The following CDH8 variants were observed in gnomAD, a reference collection of about 807,000 sequenced individuals.
CDH8 encodes cadherin 8, also known as cadherin-8.
A neutral mutation model predicts 68.1 loss-of-function variants in CDH8; 17 were observed. The ratio of observed to expected loss-of-function variants is 0.25; its 90% CI spans 0.17 to 0.37. CDH8 has a LOEUF of 0.37. Ranked by LOEUF, CDH8 falls within the 10% of genes least tolerant of loss-of-function variation. The probability of loss-of-function intolerance (pLI) is 1.00; values close to 1 mark genes in which losing one functional copy is unlikely to be tolerated. For missense variants in CDH8, 763 were observed against 999.3 expected, an observed-to-expected ratio of 0.76 and a Z score of 3.19; for synonymous variants, 372 against 365.1, an observed-to-expected ratio of 1.02 and a Z score of -0.21.
intron 10 of CDH8, chr16:61,667,739 A>T (rs965864683): frequency 2.0e-5 from 3 of 152,022 alleles, no homozygotes; most frequent in African/African-American, 7.2e-5. Context: ...TCCCTAGAAA[A>T]TAAATGCAAT....
At chr16:61,800,541 T>G (rs1290319109) in intron 7 of CDH8, among the ~76,000 whole-genome samples, 1 of 152,176 alleles carries the variant, frequency 6.6e-6, no homozygotes, top group Non-Finnish European at 1.5e-5. Context: ...TTCCATGACT[T>G]CGACCCATTA....
At chr16:61,863,936 C>T (rs974864737) in intron 3 of CDH8, among the ~76,000 whole-genome samples, 40 of 152,150 alleles carry the variant, frequency 2.6e-4, no homozygotes, top group Admixed American at 6.6e-5. Context: ...GATGCAACTG[C>T]GTTCATTTAT....
At chr16:61,839,757 T>G (rs1962644284) in intron 4 of CDH8, among the ~76,000 whole-genome samples, 1 of 152,092 alleles carries the variant, frequency 6.6e-6, no homozygotes, top group Non-Finnish European at 1.5e-5. Context: ...AGATAGGGAC[T>G]AAGGGTTGGA....
chr16:61,876,854 C>T (rs1963472360), intron 3 of CDH8, among the ~76,000 whole-genome samples: 1 of 151,940 alleles, frequency 6.6e-6, no homozygotes, highest in South Asian at 2.1e-4. Flanking sequence ...GTATACGGAT[C>T]AGCATATGTG....
At chr16:61,928,954 G>A (rs548546750) in intron 2 of CDH8, among the ~76,000 whole-genome samples, 74 of 152,282 alleles carry the variant, frequency 4.9e-4, no homozygotes, top group South Asian at 1.5e-3. Flanking sequence ...AGTTGCCCAG[G>A]CTGGAGTGCA....
intron 2 of CDH8, among the ~76,000 whole-genome samples, chr16:61,951,534 G>T (rs1964898815): frequency 6.7e-6 from 1 of 148,938 alleles, no homozygotes; most frequent in African/African-American, 2.5e-5. Flanking sequence ...AAAAAAAGAT[G>T]CCATATGATC....
At chr16:61,715,833 A>C (rs1380097196) in intron 9 of CDH8, among the ~76,000 whole-genome samples, 1 of 151,726 alleles carries the variant, frequency 6.6e-6, no homozygotes, top group Non-Finnish European at 1.5e-5. Flanking sequence ...ACAGCCTGCA[A>C]GTAAAAATAT....
intron 2 of CDH8, among the ~76,000 whole-genome samples, chr16:61,924,749 A>G (rs545575394): frequency 1.3e-5 from 2 of 152,246 alleles, no homozygotes; most frequent in East Asian, 1.9e-4. Context: ...AGTTACTGCA[A>G]TTCTAAAATT....
chr16:61,735,845 C>A (rs551711062), intron 8 of CDH8, among the ~76,000 whole-genome samples: 2 of 151,952 alleles, frequency 1.3e-5, no homozygotes, highest in African/African-American at 4.8e-5. Context: ...GAGGCCAAGG[C>A]GGGGAGATCG....
chr16:61,827,918 C>T (rs1036868950), intron 4 of CDH8, among the ~76,000 whole-genome samples: 1 of 151,780 alleles, frequency 6.6e-6, no homozygotes. Flanking sequence ...AGTCGATTAA[C>T]ATATAAATAG....
chr16:61,670,097 G>A (rs116295159), intron 10 of CDH8, among the ~76,000 whole-genome samples: 68 of 151,982 alleles, frequency 4.5e-4, no homozygotes, highest in African/African-American at 1.5e-3. Flanking sequence ...CTCTTTCTTG[G>A]TTATATTTCG....
chr16:61,813,594 G>A (rs551169911), intron 7 of CDH8, among the ~76,000 whole-genome samples: 1 of 152,268 alleles, frequency 6.6e-6, no homozygotes, highest in East Asian at 1.9e-4. Context: ...GAGAAGCCTG[G>A]TCTCCAGTTC....
chr16:61,855,921 G>A (rs1192361070), intron 4 of CDH8, among the ~76,000 whole-genome samples: 1 of 152,012 alleles, frequency 6.6e-6, no homozygotes. Context: ...TTCCTTCTTG[G>A]CTGCGGAAGG....
intron 2 of CDH8, among the ~76,000 whole-genome samples, chr16:61,979,669 C>CA (rs1965498476): frequency 6.6e-6 from 1 of 151,460 alleles, no homozygotes; most frequent in East Asian, 1.9e-4. Flanking sequence ...AAGATACCAT[C>CA]AGGTTTTTCT....
chr16:61,714,688 G>A (rs1035612664), intron 9 of CDH8, among the ~76,000 whole-genome samples: 1 of 151,694 alleles, frequency 6.6e-6, no homozygotes, highest in East Asian at 1.9e-4. Context: ...TTCTTGGGAT[G>A]TCAGATAATT....
At chr16:61,836,872 A>G (rs1962580109) in intron 4 of CDH8, among the ~76,000 whole-genome samples, 1 of 152,058 alleles carries the variant, frequency 6.6e-6, no homozygotes. Context: ...GAGCGGAGTT[A>G]CATGCTAGAG....
At chr16:61,690,503 A>T (rs1327143670) in intron 10 of CDH8, among the ~76,000 whole-genome samples, 1 of 152,106 alleles carries the variant, frequency 6.6e-6, no homozygotes, top group African/African-American at 2.4e-5. Flanking sequence ...GCATGATAAG[A>T]TCTTCAGGGT....
chr16:61,679,148 C>T (rs975018225), intron 10 of CDH8, among the ~76,000 whole-genome samples: 1 of 151,970 alleles, frequency 6.6e-6, no homozygotes, highest in Admixed American at 6.6e-5. Flanking sequence ...AGCAATTTCT[C>T]GTGTTGCATT....
chr16:61,745,003 A>G (rs1959979170), intron 8 of CDH8, among the ~76,000 whole-genome samples: 2 of 148,730 alleles, frequency 1.3e-5, no homozygotes, highest in African/African-American at 4.9e-5. Flanking sequence ...ATATTATCAT[A>G]TTGCCATTTA....
Sources: gnomAD v4.1 joint callset for allele counts (sites outside exome capture counted in the v4.1 genomes callset) on GRCh38, gnomAD v4.1.1 for gene constraint, MANE v1.5 for transcripts, NCBI Gene and HGNC (gene_info 2026-07-23, HGNC 2026-07-21) for gene names.